The following PRR16 variants were observed in gnomAD, a reference collection of about 807,000 sequenced individuals.
PRR16 encodes protein Largen.
Under a neutral mutation model 18.2 loss-of-function variants are expected in PRR16, and 6 were observed. That is an observed-to-expected ratio of 0.33 (90% CI 0.18 to 0.65). The LOEUF (loss-of-function observed/expected upper bound fraction) is 0.65, where lower values mean the gene tolerates loss of function less well. Ranked by LOEUF, PRR16 falls within the 30% of genes least tolerant of loss-of-function variation. PRR16 has a pLI of 0.74. For missense variants in PRR16, 412 were observed against 376.6 expected (o/e 1.09, Z -0.78); for synonymous variants, 151 against 147.8 (o/e 1.02, Z -0.16).
chr5:120,685,593 A>G (rs1389143751), intron 1 of PRR16, among the ~76,000 whole-genome samples: 1 of 152,068 alleles, frequency 6.6e-6, no homozygotes, highest in Non-Finnish European at 1.5e-5. Context: ...ATGTTCTCCT[A>G]CAGCTTTCTG....
chr5:120,620,062 G>A (rs1051338387), intron 1 of PRR16, among the ~76,000 whole-genome samples: 2 of 152,116 alleles, frequency 1.3e-5, no homozygotes, highest in Non-Finnish European at 2.9e-5. Context: ...ACTGGAATAA[G>A]TATTGTTTGT....
At chr5:120,533,695 G>A (rs888693216) in intron 1 of PRR16, among the ~76,000 whole-genome samples, 1 of 152,160 alleles carries the variant, frequency 6.6e-6, no homozygotes, top group African/African-American at 2.4e-5. Flanking sequence ...AGGGAGCAAG[G>A]AGATGTTTTC....
intron 1 of PRR16, among the ~76,000 whole-genome samples, chr5:120,488,187 C>T (rs1465015630): frequency 6.6e-6 from 1 of 152,200 alleles, no homozygotes; most frequent in African/African-American, 2.4e-5. Flanking sequence ...AGGTTTCCCT[C>T]TTTTTCTGTT....
intron 1 of PRR16, chr5:120,618,497 G>A (rs1754585131): frequency 2.1e-6 from 2 of 967,236 alleles, no homozygotes; most frequent in African/African-American, 3.5e-5. Flanking sequence ...TCTAATTGTT[G>A]TAAAACAAGA....
At chr5:120,755,513 T>G in the PRR16 span, among the ~76,000 whole-genome samples, 2 of 152,100 alleles carry the variant, frequency 1.3e-5, no homozygotes, top group Non-Finnish European at 2.9e-5. Context: ...TTAGTTCACT[T>G]AGGATAATGA....
chr5:120,693,315 T>G, the PRR16 span, among the ~76,000 whole-genome samples: 1 of 152,184 alleles, frequency 6.6e-6, no homozygotes, highest in South Asian at 2.1e-4. Flanking sequence ...GGATGTTGAG[T>G]CATTAAGTAT....
intron 1 of PRR16, among the ~76,000 whole-genome samples, chr5:120,498,865 G>T (rs961638783): frequency 6.6e-6 from 1 of 151,444 alleles, no homozygotes; most frequent in Admixed American, 6.6e-5. Context: ...TTGTCTCCAT[G>T]GTTTCTAATA....
At chr5:120,671,253 C>G (rs1756592851) in intron 1 of PRR16, among the ~76,000 whole-genome samples, 1 of 152,098 alleles carries the variant, frequency 6.6e-6, no homozygotes, top group African/African-American at 2.4e-5. Flanking sequence ...TTTTCTACCT[C>G]TTCTCTCAAA....
At chr5:120,735,008 C>T in the PRR16 span, among the ~76,000 whole-genome samples, 1 of 152,146 alleles carries the variant, frequency 6.6e-6, no homozygotes, top group East Asian at 1.9e-4. Flanking sequence ...CCATTGAATA[C>T]CAGGTTCCCA....
the PRR16 span, among the ~76,000 whole-genome samples, chr5:120,738,721 C>T: frequency 6.6e-6 from 1 of 152,124 alleles, no homozygotes; most frequent in African/African-American, 2.4e-5. Flanking sequence ...ATTTGTGTAC[C>T]GACTTGATTG....
At chr5:120,484,883 A>G (rs1187294447) in intron 1 of PRR16, among the ~76,000 whole-genome samples, 2 of 151,426 alleles carry the variant, frequency 1.3e-5, no homozygotes, top group African/African-American at 4.8e-5. Flanking sequence ...TTTAAAGAGT[A>G]TACATACATA....
chr5:120,575,278 A>C (rs1753036033), intron 1 of PRR16, among the ~76,000 whole-genome samples: 1 of 150,818 alleles, frequency 6.6e-6, no homozygotes, highest in South Asian at 2.1e-4. Context: ...TCAAATAATC[A>C]AAAACTGGAT....
chr5:120,754,507 T>C, the PRR16 span, among the ~76,000 whole-genome samples: 1 of 74,478 alleles, frequency 1.3e-5, no homozygotes, highest in Non-Finnish European at 2.3e-5. Context: ...TTTTATTATG[T>C]ATATTATATA....
At chr5:120,561,358 A>G (rs1752568335) in intron 1 of PRR16, among the ~76,000 whole-genome samples, 1 of 151,696 alleles carries the variant, frequency 6.6e-6, no homozygotes, top group South Asian at 2.1e-4. Flanking sequence ...TTTCTTCTTA[A>G]TTTCTTTATT....
At chr5:120,745,865 A>ATT in the PRR16 span, among the ~76,000 whole-genome samples, 291 of 127,482 alleles carry the variant, frequency 2.3e-3, no homozygotes, top group African/African-American at 7.9e-3. Flanking sequence ...CGCCCGGGTA[A>ATT]TTTTTTTTTT....
intron 1 of PRR16, among the ~76,000 whole-genome samples, chr5:120,487,191 C>T (rs1443160642): frequency 1.3e-5 from 2 of 152,210 alleles, no homozygotes; most frequent in East Asian, 1.9e-4. Flanking sequence ...AAGAAAGTCA[C>T]TGGTAGCTTG....
chr5:120,792,720 T>C, the PRR16 span, among the ~76,000 whole-genome samples: 3 of 152,206 alleles, frequency 2.0e-5, no homozygotes, highest in Non-Finnish European at 4.4e-5. Context: ...ACATGAATTA[T>C]GCAGGTCATT....
rs150258353 is a variant in PRR16, at chr5:120,504,002, A to G, written c.159+39357A>G. The stretch of plus-strand genomic sequence containing the variant: ...TTTTATGGCTGCATAGTATTCCATG[A>G]TGTATATGTGCCACATTTTCTTTTC... On this transcript the variant is annotated intron_variant, in intron 1 of 1. Transcript: ENST00000407149. Among the ~76,000 whole-genome samples the G allele has an allele frequency of 5.9e-3, 894 of 151,852 alleles. 11 individuals are homozygous for G. The highest frequency in any genetic ancestry group is 0.019 in the African/African-American group (801 of 41,392).
intron 1 of PRR16, among the ~76,000 whole-genome samples, chr5:120,539,941 A>C (rs1751857273): frequency 6.6e-6 from 1 of 152,034 alleles, no homozygotes; most frequent in East Asian, 1.9e-4. Context: ...TTGCTGTTTC[A>C]AAATCCCTTT....
Sources: gnomAD v4.1 joint callset for allele counts (sites outside exome capture counted in the v4.1 genomes callset) on GRCh38, gnomAD v4.1.1 for gene constraint, MANE v1.5 for transcripts, NCBI Gene and HGNC (gene_info 2026-07-23, HGNC 2026-07-21) for gene names.